The following IL12RB1 variants were observed in gnomAD, a reference collection of about 807,000 sequenced individuals.
The protein encoded by IL12RB1 is interleukin-12 receptor subunit beta-1.
In IL12RB1, 64 loss-of-function variants were observed where a neutral mutation model predicts 94.4. The observed-to-expected ratio is 0.68, with a 90% CI of 0.55 to 0.83. The LOEUF is 0.83. Among genes scored for constraint, IL12RB1 ranks in the 40% least tolerant of loss-of-function variants. The pLI is 0.00. For synonymous variants in IL12RB1, 362 were observed against 355.5 expected (o/e 1.02, Z -0.21); for missense variants, 814 against 855.6 (o/e 0.95, Z 0.61).
chr19:18,068,097 C>G (rs1274270053), intron 11 of IL12RB1, among the ~76,000 whole-genome samples: 1 of 136,218 alleles, frequency 7.3e-6, no homozygotes, highest in Non-Finnish European at 1.5e-5. Context: ...ATGATCTCAG[C>G]TCACTGCAAC....
At chr19:18,076,810 T>TA (rs889262927) in intron 5 of IL12RB1, among the ~76,000 whole-genome samples, 3 of 152,064 alleles carry the variant, frequency 2.0e-5, no homozygotes, top group Admixed American at 6.6e-5. Flanking sequence ...TATAAAGCAG[T>TA]AAAAAATTAT....
rs1235324339 is a variant in IL12RB1 at position 18,066,526 on chromosome 19, G to T, written c.1483+16C>A. On this transcript the variant is annotated intron_variant, in intron 12 of 16. Transcript: ENST00000593993. ...CTCCCTTCCTCCCCAAGCCAGGTCT[G>T]CACTGCCTCACGTACCTGACACCTG... 1.3e-6 allele frequency: 2 copies of T among 1,598,352 alleles called. No individual in the cohort carries two copies. The highest frequency in any genetic ancestry group is 1.7e-5 in the Admixed American group (1 of 59,962).
chr19:18,086,145 C>G (rs563391306), intron 1 of IL12RB1, among the ~76,000 whole-genome samples: 3 of 151,960 alleles, frequency 2.0e-5, no homozygotes, highest in African/African-American at 7.2e-5. Context: ...ATCACTTGAG[C>G]CCAGGTGGTC....
Position 18,073,634 on chromosome 19 carries a change from A to G in IL12RB1, c.701-35T>C, listed in dbSNP as rs986592358. On this transcript the variant is annotated intron_variant, in intron 7 of 16. Transcript: ENST00000593993. ...GAACCAAACCAACTAGACGAATTGGAAGGAGAGAAAGACTGATGGATGTTT... is the reference window on the plus strand; with the variant it reads ...GAACCAAACCAACTAGACGAATTGGGAGGAGAGAAAGACTGATGGATGTTT... 5.6e-6 allele frequency: 7 copies of G among 1,243,178 alleles called. No individual in the cohort carries two copies. In the South Asian group the frequency reaches 8.5e-5, roughly 15 times the overall value. The allele number at this position is 1,243,178 out of a possible 1,614,324, so 77.0% of individuals were successfully genotyped here.
chr19:18,080,388 G>A (rs1000593405), intron 4 of IL12RB1, among the ~76,000 whole-genome samples: 4 of 152,040 alleles, frequency 2.6e-5, no homozygotes, highest in African/African-American at 7.2e-5. Context: ...ACAGGCGCGC[G>A]TGGCCACTCC....
chr19:18,069,454 C>T (rs1392678585), intron 10 of IL12RB1, 92 bp downstream of exon 10: 20 of 1,227,220 alleles, frequency 1.6e-5, no homozygotes, highest in Admixed American at 1.6e-4. Context: ...CTTAGACACC[C>T]GCTGTGTGCC....
Position 18,063,923 on chromosome 19 carries a change from G to A in IL12RB1, c.1571C>T (p.Thr524Ile). 6.2e-7 allele frequency: 1 copy of A among 1,613,492 alleles called. No homozygotes were observed. The highest frequency in any genetic ancestry group is 8.5e-7 in the Non-Finnish European group (1 of 1,179,676). Residue 524 changes from threonine to isoleucine, a missense_variant, in exon 13 of 17, where the codon ACA (threonine) becomes ATA (isoleucine). By Grantham distance (89) the Thr-to-Ile change is moderately conservative. Coordinates refer to ENST00000593993, the MANE Select transcript of IL12RB1 (RefSeq NM_005535.3). ...GCTCCAGACACCCCTCAGCCACGCT[G>A]TGTCTGCTCGCACCTGCACCGTGTA... ...VAYTVQVRAD[T>I]AWLRGVWSQP...
chr19:18,087,030 G>T, upstream of IL12RB1: 1 of 1,043,336 alleles, frequency 9.6e-7, no homozygotes, highest in Non-Finnish European at 1.4e-6. Context: ...CTCCGTGGTG[G>T]TGGTGATGGT....
intron 12 of IL12RB1, among the ~76,000 whole-genome samples, chr19:18,064,916 T>A (rs2034466817): frequency 6.6e-6 from 1 of 152,172 alleles, no homozygotes; most frequent in African/African-American, 2.4e-5. Flanking sequence ...CAGTGTGCCA[T>A]GTCAGTTTAC....
At chr19:18,064,134 C>CTTTTT (rs202141133) in intron 12 of IL12RB1, 124 bp from the exon 13 acceptor site, 94 of 423,034 alleles carry the variant, frequency 2.2e-4, no homozygotes, top group South Asian at 2.7e-4. Flanking sequence ...TCTACTCTTT[C>CTTTTT]TTTCTTTTTT....
chr19:18,062,632 C>T (rs373150093), intron 13 of IL12RB1, among the ~76,000 whole-genome samples: 6 of 151,986 alleles, frequency 3.9e-5, no homozygotes, highest in Admixed American at 1.3e-4. Context: ...ATTAGCTGGG[C>T]GTGGTGGTGT....
chr19:18,068,490 C>G lies in IL12RB1; in HGVS notation c.1226G>C (p.Gly409Ala). Residue 409 changes from glycine (G) to alanine (A), a missense_variant, in exon 11 of 17, where the codon GGG becomes GCG. Physicochemically the swap from Gly to Ala is moderately conservative, Grantham distance 60 (BLOSUM62 0). Transcript: ENST00000593993. The stretch of plus-strand genomic sequence containing the variant: ...GGTAATGTAGTAACACTTTTCCTGC[C>G]CCATTGCCCCAGACTCTCGACTCCA... Reference protein sequence around the residue: ...YSWSRESGAMGQEKCYYITIF... With the variant: ...YSWSRESGAMAQEKCYYITIF... The G allele has an allele frequency of 1.2e-6, 2 of 1,612,058 alleles. No homozygotes were observed. The highest frequency in any genetic ancestry group is 1.1e-5 in the South Asian group (1 of 91,012).
intron 1 of IL12RB1, among the ~76,000 whole-genome samples, chr19:18,092,965 T>C (rs2036701825): frequency 1.3e-5 from 2 of 152,096 alleles, no homozygotes; most frequent in African/African-American, 4.8e-5. Context: ...CAATACAAGG[T>C]CCTCTGATAC....
At chr19:18,095,788 T>C (rs917661414) in intron 1 of IL12RB1, among the ~76,000 whole-genome samples, 10 of 152,268 alleles carry the variant, frequency 6.6e-5, no homozygotes, top group Admixed American at 5.9e-4. Flanking sequence ...AATTCTACAG[T>C]ACCTCATGGA....
intron 6 of IL12RB1, 146 bp from the exon 7 acceptor site, chr19:18,076,014 C>CT (rs17885316): frequency 0.11 from 86,801 of 798,476 alleles, 5,519 homozygotes; most frequent in East Asian, 0.23. Context: ...AGGCCAGGCC[C>CT]TGTCCTCTTA....
At chr19:18,067,728 G>A (rs180794422) in intron 11 of IL12RB1, among the ~76,000 whole-genome samples, 14 of 152,254 alleles carry the variant, frequency 9.2e-5, no homozygotes, top group African/African-American at 3.1e-4. Flanking sequence ...GCTTGAACCC[G>A]GGAGGCAGAG....
intron 11 of IL12RB1, among the ~76,000 whole-genome samples, chr19:18,067,771 A>G (rs1413247001): frequency 6.6e-6 from 1 of 152,168 alleles, no homozygotes; most frequent in Non-Finnish European, 1.5e-5. Flanking sequence ...ATCATAGCTC[A>G]CTGCAGCCTC....
chr19:18,076,269 T>C, intron 6 of IL12RB1, 28 bp downstream of exon 6: 1 of 1,206,560 alleles, frequency 8.3e-7, no homozygotes, highest in South Asian at 1.2e-5. Context: ...GCTGCAGCTG[T>C]TGTTGTCATT....
At chr19:18,093,331 A>AATATATAT (rs574892319) in intron 1 of IL12RB1, among the ~76,000 whole-genome samples, 1 of 121,340 alleles carries the variant, frequency 8.2e-6, no homozygotes, top group Non-Finnish European at 1.8e-5. Context: ...AAAAAACACA[A>AATATATAT]ATATATATAT....
Sources: gnomAD v4.1 joint callset for allele counts (sites outside exome capture counted in the v4.1 genomes callset) on GRCh38, gnomAD v4.1.1 for gene constraint, MANE v1.5 for transcripts, NCBI Gene and HGNC (gene_info 2026-07-23, HGNC 2026-07-21) for gene names.